ADGRL2: variants seen among roughly 807,000 people sequenced by gnomAD.
The protein encoded by ADGRL2 is adhesion G protein-coupled receptor L2.
A neutral mutation model predicts 157.4 loss-of-function variants in ADGRL2; 44 were observed. The observed-to-expected ratio is 0.28, with a 90% CI of 0.22 to 0.36. ADGRL2 has a LOEUF of 0.36. Ranked by LOEUF, ADGRL2 falls within the 10% of genes least tolerant of loss-of-function variation. ADGRL2 has a pLI of 1.00. For missense variants in ADGRL2, 1,510 were observed against 1,768.9 expected (o/e 0.85, Z 2.63); for synonymous variants, 585 against 624.7 (o/e 0.94, Z 0.95).
intron 1 of ADGRL2, among the ~76,000 whole-genome samples, chr1:81,398,250 T>C (rs547657163): frequency 6.6e-6 from 1 of 152,348 alleles, no homozygotes; most frequent in South Asian, 2.1e-4. Context: ...ATGTTTTTTT[T>C]TACATTCTGT....
At chr1:81,974,061 A>G (rs1026014384) in intron 17 of ADGRL2, among the ~76,000 whole-genome samples, 3 of 152,168 alleles carry the variant, frequency 2.0e-5, no homozygotes, top group African/African-American at 7.2e-5. Context: ...CATAACAACA[A>G]TTACCTATTG....
At chr1:81,503,983 C>T (rs1377498087) in intron 2 of ADGRL2, among the ~76,000 whole-genome samples, 1 of 152,170 alleles carries the variant, frequency 6.6e-6, no homozygotes, top group African/African-American at 2.4e-5. Flanking sequence ...TTCCAGCCCA[C>T]TTTGCCTACT....
chr1:81,345,420 AC>A (rs1662408858), intron 1 of ADGRL2, among the ~76,000 whole-genome samples: 1 of 152,170 alleles, frequency 6.6e-6, no homozygotes, highest in South Asian at 2.1e-4. Flanking sequence ...TGGCCAAATA[AC>A]TTTTGATAGC....
chr1:81,629,778 A>G (rs1187639498), intron 3 of ADGRL2, among the ~76,000 whole-genome samples: 1 of 151,308 alleles, frequency 6.6e-6, no homozygotes, highest in East Asian at 1.9e-4. Context: ...TATAGTAGAG[A>G]TTGGGTTTTG....
In ADGRL2 at chr1:81,596,267, G is replaced by T. The variant is rs555102395; in HGVS notation, c.-143+15287G>T. 6 of 572,202 alleles carry T rather than the reference G, an allele frequency of 1.0e-5. 1 individual carries two copies. Among genetic ancestry groups the T allele is most frequent in the South Asian group, 6.9e-5 (5 of 72,254 alleles). The allele number at this position is 572,202 out of a possible 1,614,324, so 35.4% of individuals were successfully genotyped here. ...TGAGTCGCTTGTGGATTCTCATCCC[G>T]AAATGATCCCATGTCTTAGAACCTT... On this transcript the variant is annotated intron_variant, in intron 3 of 24. Coordinates refer to the ADGRL2 transcript ENST00000370721.
In ADGRL2 at chr1:81,950,308, G is replaced by A. The variant is rs1343916722; in HGVS notation, c.1330G>A (p.Gly444Arg). The A allele has an allele frequency of 3.1e-6, 5 of 1,613,914 alleles. No homozygotes were observed. The highest frequency in any genetic ancestry group is 4.2e-6 in the Non-Finnish European group (5 of 1,179,966). ...MSTTVAGSQE[G>R]SKGTKPPPAV... ...CACAACTGTAGCTGGATCACAGGAA[G>A]GAAGCAAAGGGACAAAACCACCTCC... The change falls in exon 7 of 24, where the codon GGA (glycine) becomes AGA (arginine). Residue 444 changes from glycine to arginine, a missense_variant. Around this residue, in one of 4 missense-constraint regions of ADGRL2, gnomAD observed 325 missense variants for 333.2 expected, o/e 0.98. Transcript: ENST00000686636.
At chr1:81,419,968 A>G (rs939645296) in intron 1 of ADGRL2, among the ~76,000 whole-genome samples, 2 of 152,238 alleles carry the variant, frequency 1.3e-5, no homozygotes, top group East Asian at 1.9e-4. Context: ...AATTATAACT[A>G]GGCAACAGTT....
chr1:81,926,680 T>C (rs1277981876), intron 3 of ADGRL2, among the ~76,000 whole-genome samples: 1 of 152,034 alleles, frequency 6.6e-6, no homozygotes, highest in Non-Finnish European at 1.5e-5. Context: ...AATTTTATGG[T>C]TTTTATTCCC....
chr1:81,623,724 C>A (rs2081848665), intron 3 of ADGRL2, among the ~76,000 whole-genome samples: 1 of 148,098 alleles, frequency 6.8e-6, no homozygotes, highest in South Asian at 2.1e-4. Context: ...GCAACCTCTG[C>A]CTCCCAGGTT....
At chr1:81,978,783 A>T (rs1338263139) in intron 17 of ADGRL2, among the ~76,000 whole-genome samples, 2 of 151,790 alleles carry the variant, frequency 1.3e-5, no homozygotes, top group East Asian at 3.9e-4. Flanking sequence ...TGATCATGTT[A>T]CTGTAACACT....
chr1:81,429,833 G>GAAAGGAGGTGAAGAA (rs2077286899), intron 1 of ADGRL2, among the ~76,000 whole-genome samples: 1 of 152,180 alleles, frequency 6.6e-6, no homozygotes, highest in Admixed American at 6.5e-5. Context: ...GAAAAGATGG[G>GAAAGGAGGTGAAGAA]AAGCCCATGA....
intron 1 of ADGRL2, among the ~76,000 whole-genome samples, chr1:81,310,454 C>CAAGTGGG (rs1286528087): frequency 6.6e-6 from 1 of 152,136 alleles, no homozygotes; most frequent in Non-Finnish European, 1.5e-5. Context: ...AACACATAAT[C>CAAGTGGG]AAGTGGCAGA....
intron 3 of ADGRL2, among the ~76,000 whole-genome samples, chr1:81,582,534 G>A (rs1160213428): frequency 5.9e-5 from 9 of 151,928 alleles, no homozygotes; most frequent in Non-Finnish European, 1.5e-5. Flanking sequence ...AAGTATAAAG[G>A]TGAGAGGTGA....
intron 2 of ADGRL2, among the ~76,000 whole-genome samples, chr1:81,538,744 C>T (rs940329277): frequency 3.3e-5 from 5 of 152,066 alleles, no homozygotes; most frequent in African/African-American, 4.8e-5. Context: ...GTGGCTCACA[C>T]CTATAAGCCC....
At chr1:81,962,162 C>T (rs1223448397) in intron 11 of ADGRL2, among the ~76,000 whole-genome samples, 2 of 152,160 alleles carry the variant, frequency 1.3e-5, no homozygotes, top group African/African-American at 4.8e-5. Context: ...AATTTTTCAC[C>T]AGTAATACCA....
At chr1:81,975,282 T>G (rs747534824) in intron 17 of ADGRL2, among the ~76,000 whole-genome samples, 1 of 152,124 alleles carries the variant, frequency 6.6e-6, no homozygotes, top group Non-Finnish European at 1.5e-5. Context: ...CTTACCAAGT[T>G]TAGACAAATG....
At chr1:81,825,780 A>C (rs951265117) in intron 1 of ADGRL2, among the ~76,000 whole-genome samples, 1 of 151,522 alleles carries the variant, frequency 6.6e-6, no homozygotes, top group African/African-American at 2.4e-5. Flanking sequence ...TCAAGTCAGA[A>C]CCCCAACTGT....
At chr1:81,399,795 T>A (rs960888175) in intron 1 of ADGRL2, among the ~76,000 whole-genome samples, 17 of 152,192 alleles carry the variant, frequency 1.1e-4, no homozygotes, top group Non-Finnish European at 2.4e-4. Flanking sequence ...TCCTTTTCAT[T>A]GGATCTGTAA....
chr1:81,499,341 G>T (rs1294155298), intron 2 of ADGRL2, among the ~76,000 whole-genome samples: 1 of 152,270 alleles, frequency 6.6e-6, no homozygotes, highest in Non-Finnish European at 1.5e-5. Context: ...CAGCATAAAT[G>T]CTGTGATTCA....
Sources: gnomAD v4.1 joint callset for allele counts (sites outside exome capture counted in the v4.1 genomes callset) on GRCh38, gnomAD v4.1.1 for gene constraint, gnomAD v4.1.1 regional missense constraint, MANE v1.5 for transcripts, NCBI Gene and HGNC (gene_info 2026-07-23, HGNC 2026-07-21) for gene names.